The following MICAL3 variants were observed in gnomAD, a reference collection of about 807,000 sequenced individuals.
MICAL3 encodes the protein [F-actin]-monooxygenase MICAL3.
In MICAL3, 62 loss-of-function variants were observed where a neutral mutation model predicts 207.4. The observed-to-expected ratio is 0.30, with a 90% CI of 0.24 to 0.37. The LOEUF (loss-of-function observed/expected upper bound fraction) is 0.37, where lower values mean the gene tolerates loss of function less well. Ranked by LOEUF, MICAL3 falls within the 10% of genes least tolerant of loss-of-function variation. MICAL3 has a pLI of 1.00. For missense variants in MICAL3, 2,368 were observed against 2,635.6 expected (o/e 0.90, Z 2.22); for synonymous variants, 1,077 against 1,069.3 (o/e 1.01, Z -0.14).
rs549173363 is a variant in MICAL3 at position 18,011,998 on chromosome 22, G to T, written c.-75+12283C>A. Among the ~76,000 whole-genome samples the T allele has an allele frequency of 5.9e-5, 9 of 152,108 alleles. No individual in the cohort carries two copies. The East Asian group carries it at 1.7e-3, about 29-fold the overall frequency. ...ACCTGTAATCCTAGCACTTTGAAAG[G>T]CCAAGGTGGGCAGATCACCTGAGGT... On this transcript the variant is annotated intron_variant, in intron 1 of 31. Transcript: ENST00000441493.
intron 1 of MICAL3, among the ~76,000 whole-genome samples, chr22:17,922,399 CTTG>C: frequency 6.6e-6 from 1 of 152,266 alleles, no homozygotes; most frequent in Middle Eastern, 3.4e-3. Context: ...TTGTTACTAA[CTTG>C]TTGGACAATT....
At chr22:18,008,283 C>G (rs1268365135) in intron 1 of MICAL3, among the ~76,000 whole-genome samples, 1 of 152,110 alleles carries the variant, frequency 6.6e-6, no homozygotes, top group African/African-American at 2.4e-5. Context: ...TCCATCCCTT[C>G]CAAGCATTCC....
chr22:17,962,122 G>A (rs1440137531), intron 1 of MICAL3, among the ~76,000 whole-genome samples: 2 of 152,176 alleles, frequency 1.3e-5, no homozygotes. Flanking sequence ...AGTGCTTGCT[G>A]ACTGCACATA....
chr22:17,793,338 G>C lies in MICAL3; in HGVS notation c.5651-2037C>G, dbSNP rs930693701. On this transcript the variant is annotated intron_variant, in intron 29 of 31. Transcript: ENST00000441493. The surrounding 1 kb of genome is among the most constrained non-coding windows in gnomAD (Gnocchi z 4.1). ...AAAGGGGCCCGAGGGCACTGGTGTAGATCAGTCTTTGTAAGGACAGTATTC... is the reference window on the plus strand; with the variant it reads ...AAAGGGGCCCGAGGGCACTGGTGTACATCAGTCTTTGTAAGGACAGTATTC... 1.3e-5 allele frequency among the ~76,000 whole-genome samples: 2 copies of C among 152,236 alleles called. No homozygotes were observed. The highest frequency in any genetic ancestry group is 2.9e-5 in the Non-Finnish European group (2 of 68,040).
chr22:17,881,661 C>A (rs1490291848), intron 16 of MICAL3, among the ~76,000 whole-genome samples: 1 of 152,142 alleles, frequency 6.6e-6, no homozygotes, highest in Non-Finnish European at 1.5e-5. Context: ...ACAGAGACCC[C>A]CTCTCAAGGG....
chr22:17,925,932 A>G (rs1376761545), intron 1 of MICAL3, among the ~76,000 whole-genome samples: 1 of 152,174 alleles, frequency 6.6e-6, no homozygotes, highest in Non-Finnish European at 1.5e-5. Context: ...TGAGTCCCAA[A>G]CCCAAACATT....
At position 17,902,933 on chromosome 22, in the gene MICAL3, C is replaced by T. The variant is rs566315118; in HGVS notation, c.473-186G>A. 6.6e-6 allele frequency among the ~76,000 whole-genome samples: 1 copy of T among 152,326 alleles called. No homozygotes were observed. Among genetic ancestry groups the T allele is most frequent in the African/African-American group, 2.4e-5 (1 of 41,570 alleles). On this transcript the variant is annotated intron_variant, in intron 3 of 31. Coordinates refer to ENST00000441493, the MANE Select transcript of MICAL3 (RefSeq NM_015241.3). This position sits in a 1 kb window ranked among gnomAD's most constrained non-coding sequence, Gnocchi z 4.5. ...TTCCTTTCTTAAAGGCAAATATAAC[C>T]CAGTGGAAGAGCTGTTCTAGAGCAA...
intron 22 of MICAL3, among the ~76,000 whole-genome samples, chr22:17,824,134 G>C (rs915676058): frequency 6.6e-6 from 1 of 152,192 alleles, no homozygotes; most frequent in African/African-American, 2.4e-5. Context: ...AGCAGGAAGA[G>C]GGCGGCACGC....
intron 29 of MICAL3, 124 bp from the exon 30 acceptor site, chr22:17,791,425 C>T: frequency 1.2e-6 from 1 of 841,898 alleles, no homozygotes; most frequent in Non-Finnish European, 1.9e-6. Flanking sequence ...CACTCCCAAG[C>T]CAGGCCCAAG....
intron 1 of MICAL3, among the ~76,000 whole-genome samples, chr22:17,985,656 G>C (rs1025580215): frequency 6.6e-6 from 1 of 152,072 alleles, no homozygotes; most frequent in African/African-American, 2.4e-5. Flanking sequence ...CCTTTAAACT[G>C]GTAGGCAGCC....
At chr22:17,951,701 CTT>C (rs1254646327) in intron 1 of MICAL3, among the ~76,000 whole-genome samples, 11 of 139,924 alleles carry the variant, frequency 7.9e-5, no homozygotes, top group African/African-American at 5.6e-5. Context: ...AAATTTCTTT[CTT>C]TTTTTTTTTT....
intron 1 of MICAL3, among the ~76,000 whole-genome samples, chr22:17,970,483 G>A (rs1234940095): frequency 6.6e-6 from 1 of 152,188 alleles, no homozygotes; most frequent in Non-Finnish European, 1.5e-5. Flanking sequence ...CTGCAGTCAC[G>A]GCTGTGACCG....
chr22:17,826,888 G>A (rs1922250586), intron 22 of MICAL3, among the ~76,000 whole-genome samples: 2 of 152,108 alleles, frequency 1.3e-5, no homozygotes, highest in African/African-American at 4.8e-5. Context: ...TATTAATGCT[G>A]TTTTATGATG....
chr22:17,958,916 A>T (rs1277074903), intron 1 of MICAL3, among the ~76,000 whole-genome samples: 2 of 151,174 alleles, frequency 1.3e-5, no homozygotes, highest in African/African-American at 4.9e-5. Flanking sequence ...ATGTTGGCCA[A>T]GCTGGTCTTG....
chr22:17,906,321 C>CTAGG (rs1362482077), intron 2 of MICAL3, among the ~76,000 whole-genome samples: 1 of 152,220 alleles, frequency 6.6e-6, no homozygotes, highest in East Asian at 1.9e-4. Context: ...ATTTCTTATG[C>CTAGG]TAGGTTGTGG....
chr22:17,890,719 T>C (rs558428308), intron 12 of MICAL3, among the ~76,000 whole-genome samples: 6 of 152,296 alleles, frequency 3.9e-5, no homozygotes, highest in African/African-American at 1.4e-4. Flanking sequence ...CAAACAGAAA[T>C]TGGCCCCTTA....
At position 17,981,586 on chromosome 22, in the gene MICAL3, C is replaced by T. The variant is rs960441688; in HGVS notation, c.-75+42695G>A. 5.3e-5 allele frequency among the ~76,000 whole-genome samples: 8 copies of T among 152,044 alleles called. No homozygotes were observed. In the South Asian group the frequency reaches 1.0e-3, roughly 20 times the overall value. On this transcript the variant is annotated intron_variant, in intron 1 of 31. Transcript: ENST00000441493. ...CCTAATGTGTTGTGTTTGCGAGTGT[C>T]CATGGTGTAAATGCTCCCACCAAGG...
chr22:17,848,736 C>T (rs1924902036), intron 19 of MICAL3, among the ~76,000 whole-genome samples: 1 of 152,190 alleles, frequency 6.6e-6, no homozygotes, highest in South Asian at 2.1e-4. Flanking sequence ...GGAGAAGTCA[C>T]CCCTGGGTAG....
chr22:17,927,961 C>T (rs1602233775), intron 1 of MICAL3, among the ~76,000 whole-genome samples: 1 of 152,188 alleles, frequency 6.6e-6, no homozygotes, highest in Non-Finnish European at 1.5e-5. Flanking sequence ...AACCACAACA[C>T]ACACTCAGAT....
Sources: allele counts gnomAD v4.1 joint callset (sites outside exome capture counted in the v4.1 genomes callset), GRCh38; gene constraint gnomAD v4.1.1; non-coding constraint Gnocchi (gnomAD v3.1); transcripts MANE v1.5; gene names NCBI Gene and HGNC (gene_info 2026-07-23, HGNC 2026-07-21).